DNAJC6: variants seen among roughly 807,000 people sequenced by gnomAD.
DNAJC6 encodes DnaJ heat shock protein family (Hsp40) member C6.
Under a neutral mutation model 110.0 loss-of-function variants are expected in DNAJC6, and 34 were observed. That is an observed-to-expected ratio of 0.31 (90% confidence interval 0.24 to 0.41). DNAJC6 has a LOEUF of 0.41. Among genes scored for constraint, DNAJC6 ranks in the 10% least tolerant of loss-of-function variants. The probability of loss-of-function intolerance (pLI) is 1.00; values close to 1 mark genes in which losing one functional copy is unlikely to be tolerated. For missense variants in DNAJC6, 1,031 were observed against 1,207.8 expected (o/e 0.85, Z 2.17); for synonymous variants, 406 against 437.2 (o/e 0.93, Z 0.89).
chr1:65,358,345 AG>A (rs1403200990), intron 1 of DNAJC6, among the ~76,000 whole-genome samples: 2 of 152,186 alleles, frequency 1.3e-5, no homozygotes, highest in Admixed American at 6.5e-5. Context: ...CCTGGACTCT[AG>A]AATAGCCTGC....
In DNAJC6 at chr1:65,408,710, A is replaced by G; in HGVS notation, c.2561A>G (p.Lys854Arg). The change falls in exon 17 of 19, where the codon AAA becomes AGA. Residue 854 changes from lysine (K) to arginine (R), a missense_variant. Transcript: ENST00000371069. ...CAAGGTTTCAATGCTCACAAAGACA[A>G]AAAGGGGCCTCGGACAATAGCTGAG... The part of the protein sequence containing the change: ...SGQGFNAHKD[K>R]KGPRTIAEMR... The G allele has an allele frequency of 3.7e-6, 6 of 1,614,176 alleles. No homozygotes were observed. The highest frequency in any genetic ancestry group is 1.1e-5 in the South Asian group (1 of 91,080).
At chr1:65,325,948 G>T (rs1645238021) in intron 1 of DNAJC6, among the ~76,000 whole-genome samples, 1 of 152,218 alleles carries the variant, frequency 6.6e-6, no homozygotes, top group Non-Finnish European at 1.5e-5. Context: ...GTAATGCACT[G>T]CACTAAGATG....
chr1:65,358,432 T>A (rs1279429452), intron 1 of DNAJC6, among the ~76,000 whole-genome samples: 1 of 152,168 alleles, frequency 6.6e-6, no homozygotes, highest in African/African-American at 2.4e-5. Context: ...AGTTTCCTTG[T>A]GTATAAGATG....
At chr1:65,397,233 G>T (rs1348259153) in intron 13 of DNAJC6, among the ~76,000 whole-genome samples, 1 of 152,142 alleles carries the variant, frequency 6.6e-6, no homozygotes, top group African/African-American at 2.4e-5. Context: ...ACATAGGACA[G>T]AATATAGGTG....
intron 17 of DNAJC6, among the ~76,000 whole-genome samples, chr1:65,410,781 A>G (rs1044332740): frequency 1.3e-5 from 2 of 152,268 alleles, no homozygotes; most frequent in Admixed American, 1.3e-4. Context: ...GATATATAAG[A>G]AATAATACTT....
At chr1:65,273,122 GTTAA>G (rs1219989058) in intron 1 of DNAJC6, among the ~76,000 whole-genome samples, 2 of 151,926 alleles carry the variant, frequency 1.3e-5, no homozygotes, top group African/African-American at 4.8e-5. Context: ...TCTTTTACTG[GTTAA>G]TTTTTTGTAT....
intron 1 of DNAJC6, among the ~76,000 whole-genome samples, chr1:65,290,163 G>A (rs1557500261): frequency 6.6e-6 from 1 of 152,184 alleles, no homozygotes; most frequent in Non-Finnish European, 1.5e-5. Flanking sequence ...CTGGTGGCTG[G>A]AAAAGTCAAG....
rs113420389 is a variant in DNAJC6, at chr1:65,398,713, A to G, written c.2039-100A>G. On this transcript the variant is annotated intron_variant, in intron 13 of 18. Coordinates refer to ENST00000371069, the MANE Select transcript of DNAJC6 (RefSeq NM_001256864.2). ...GATATCTTGGGATCTTGCTGGGGCC[A>G]TGCAGGCTTCAGGGATGGAATGGCA... 5.7e-3 allele frequency: 6,936 copies of G among 1,210,952 alleles called. 33 individuals carry two copies. Among genetic ancestry groups the G allele is most frequent in the Non-Finnish European group, 6.7e-3 (5,620 of 833,298 alleles). The allele number at this position is 1,210,952 out of a possible 1,614,324, so 75.0% of individuals were successfully genotyped here.
At chr1:65,353,678 C>T (rs1370953209) in intron 1 of DNAJC6, among the ~76,000 whole-genome samples, 3 of 152,030 alleles carry the variant, frequency 2.0e-5, no homozygotes, top group African/African-American at 7.2e-5. Flanking sequence ...TTCATGTTGT[C>T]GATCCTTTTG....
rs373343371 is a variant in DNAJC6, at chr1:65,392,559, C to T, written c.1597C>T (p.His533Tyr). ...PHGNANGDKPHGVKKPSKKQQ... is the reference protein window; with the variant it reads ...PHGNANGDKPYGVKKPSKKQQ... Reference sequence around the variant, plus strand: ...TGGCAATGCCAATGGTGACAAGCCTCATGGAGTCAAGAAGCCCAGCAAAAA... The same window carrying T: ...TGGCAATGCCAATGGTGACAAGCCTTATGGAGTCAAGAAGCCCAGCAAAAA... Residue 533 changes from histidine (H) to tyrosine (Y), a missense_variant, in exon 12 of 19, where the codon CAT becomes TAT. Transcript: ENST00000371069. The T allele has an allele frequency of 1.2e-6, 2 of 1,614,100 alleles. No individual in the cohort carries two copies. Among genetic ancestry groups the T allele is most frequent in the Non-Finnish European group, 1.7e-6 (2 of 1,180,014 alleles).
chr1:65,283,243 G>A lies in DNAJC6; in HGVS notation c.-131+18311G>A, dbSNP rs367933841. On this transcript the variant is annotated intron_variant, in intron 1 of 19. Coordinates refer to the DNAJC6 transcript ENST00000263441. ...ACATGTAACCTTAACTAATGACCAC[G>A]GTGATCAAGATGCTCAAATATCACC... 3.9e-5 allele frequency among the ~76,000 whole-genome samples: 6 copies of A among 152,156 alleles called. No homozygotes were observed. The East Asian group carries it at 7.7e-4, about 20-fold the overall frequency.
chr1:65,273,669 T>TCCAC (rs1653577544), intron 1 of DNAJC6, among the ~76,000 whole-genome samples: 1 of 152,212 alleles, frequency 6.6e-6, no homozygotes, highest in Non-Finnish European at 1.5e-5. Context: ...CCTGCAAGTA[T>TCCAC]TGTTATATTT....
chr1:65,409,828 A>C (rs980540839), intron 17 of DNAJC6, among the ~76,000 whole-genome samples: 1 of 152,202 alleles, frequency 6.6e-6, no homozygotes, highest in Admixed American at 6.5e-5. Flanking sequence ...TTTTTCCTCA[A>C]ATCAAATCAA....
At chr1:65,363,422 GAGAGACAGAGAA>G (rs1192356967) in intron 1 of DNAJC6, among the ~76,000 whole-genome samples, 51 of 119,804 alleles carry the variant, frequency 4.3e-4, no homozygotes, top group African/African-American at 1.2e-3. Flanking sequence ...CAGAGAGAGA[GAGAGACAGAGAA>G]AGAGAGAAAG....
chr1:65,366,321 T>A, intron 4 of DNAJC6, 125 bp downstream of exon 4: 1 of 1,013,954 alleles, frequency 9.9e-7, no homozygotes, highest in South Asian at 1.6e-5. Context: ...TCTGGACACT[T>A]CTGTTCACAA....
At chr1:65,277,910 A>G (rs1653724697) in intron 1 of DNAJC6, among the ~76,000 whole-genome samples, 1 of 152,238 alleles carries the variant, frequency 6.6e-6, no homozygotes, top group African/African-American at 2.4e-5. Context: ...AAGCACACAG[A>G]TAAGCTTGCC....
chr1:65,309,528 T>G, upstream of DNAJC6: 2 of 803,094 alleles, frequency 2.5e-6, no homozygotes, highest in Non-Finnish European at 3.0e-6. Flanking sequence ...CCTCCCTCCC[T>G]CCTCCCGGCG....
intron 4 of DNAJC6, among the ~76,000 whole-genome samples, chr1:65,369,337 T>A (rs1448526327): frequency 6.6e-6 from 1 of 152,190 alleles, no homozygotes; most frequent in African/African-American, 2.4e-5. Flanking sequence ...TCCTAGACCT[T>A]TCTTTCCCCA....
intron 13 of DNAJC6, among the ~76,000 whole-genome samples, chr1:65,395,288 G>A (rs149292505): frequency 1.3e-5 from 2 of 152,168 alleles, no homozygotes; most frequent in East Asian, 3.9e-4. Flanking sequence ...GAGCTACATG[G>A]ACAGAATCAT....
Sources: gnomAD v4.1 joint callset for allele counts (sites outside exome capture counted in the v4.1 genomes callset) on GRCh38, gnomAD v4.1.1 for gene constraint, MANE v1.5 for transcripts, NCBI Gene and HGNC (gene_info 2026-07-23, HGNC 2026-07-21) for gene names.